SPAG16: variants seen among roughly 807,000 people sequenced by gnomAD.
SPAG16 encodes sperm-associated antigen 16 protein.
A neutral mutation model predicts 80.4 loss-of-function variants in SPAG16; 86 were observed. The observed-to-expected ratio is 1.07, with a 90% CI of 0.90 to 1.28. The LOEUF is 1.28. Ranked by LOEUF, SPAG16 falls within the 50% of genes most tolerant of loss-of-function variation. The pLI is 0.00. For missense variants in SPAG16, 870 were observed against 765.3 expected (o/e 1.14, Z -1.61); for synonymous variants, 294 against 265.9 (o/e 1.11, Z -1.03).
intron 11 of SPAG16, among the ~76,000 whole-genome samples, chr2:213,907,182 C>G (rs1266688374): frequency 6.6e-6 from 1 of 151,968 alleles, no homozygotes; most frequent in Non-Finnish European, 1.5e-5. Flanking sequence ...ACGGCAATGA[C>G]AAAACCTACA....
At position 213,787,824 on chromosome 2, in the gene SPAG16, A is replaced by T. The variant is rs559080022; in HGVS notation, c.1071-74661A>T. Reference sequence around the variant, plus strand: ...ATATTATACTATGAAATAAAATTTTAAAATCACATACTCTTTTACATAGGA... The same window carrying T: ...ATATTATACTATGAAATAAAATTTTTAAATCACATACTCTTTTACATAGGA... On this transcript the variant is annotated intron_variant, in intron 10 of 15. Transcript: ENST00000331683. Among the ~76,000 whole-genome samples the T allele has an allele frequency of 1.4e-3, 206 of 152,184 alleles. 1 individual carries two copies. The highest frequency in any genetic ancestry group is 4.8e-3 in the African/African-American group (200 of 41,584).
At chr2:213,745,074 C>T (rs2067753226) in intron 10 of SPAG16, among the ~76,000 whole-genome samples, 1 of 152,088 alleles carries the variant, frequency 6.6e-6, no homozygotes, top group African/African-American at 2.4e-5. Flanking sequence ...TATGGTTTCA[C>T]GTTTTCAACT....
intron 9 of SPAG16, among the ~76,000 whole-genome samples, chr2:213,396,051 G>C (rs1339364947): frequency 2.0e-5 from 3 of 152,028 alleles, no homozygotes; most frequent in African/African-American, 7.2e-5. Context: ...TGGTGAGTTT[G>C]TTTATTCCTG....
At chr2:214,144,634 T>C (rs7597126) in intron 14 of SPAG16, among the ~76,000 whole-genome samples, 59,249 of 151,946 alleles carry the variant, frequency 0.39, 13,404 homozygotes, top group Non-Finnish European at 0.51. Flanking sequence ...TTTTCTAGTA[T>C]GCAGTATAAC....
chr2:213,776,422 A>T (rs1001204905), intron 10 of SPAG16, among the ~76,000 whole-genome samples: 1 of 152,344 alleles, frequency 6.6e-6, no homozygotes. Flanking sequence ...TCAGAAAAAC[A>T]TGAAGCTCTT....
intron 1 of SPAG16, among the ~76,000 whole-genome samples, chr2:213,289,812 A>G (rs959372859): frequency 6.6e-6 from 1 of 152,226 alleles, no homozygotes; most frequent in East Asian, 1.9e-4. Context: ...ATAATTAGCT[A>G]TATGTTTCAC....
At chr2:214,046,202 G>T (rs1278772574) in intron 13 of SPAG16, among the ~76,000 whole-genome samples, 1 of 152,092 alleles carries the variant, frequency 6.6e-6, no homozygotes, top group Admixed American at 6.6e-5. Flanking sequence ...GATCATAGTT[G>T]TAATAAAAAC....
intron 15 of SPAG16, among the ~76,000 whole-genome samples, chr2:214,328,813 G>A (rs1216481608): frequency 6.6e-6 from 1 of 152,076 alleles, no homozygotes. Flanking sequence ...TTCAATTCAT[G>A]TACATGTGAT....
At chr2:213,412,143 T>C (rs1267597569) in intron 9 of SPAG16, among the ~76,000 whole-genome samples, 2 of 152,140 alleles carry the variant, frequency 1.3e-5, no homozygotes, top group Non-Finnish European at 2.9e-5. Flanking sequence ...TGCTCCACCC[T>C]AACACATTCT....
intron 15 of SPAG16, among the ~76,000 whole-genome samples, chr2:214,348,155 G>A (rs1446310478): frequency 6.6e-6 from 1 of 152,124 alleles, no homozygotes; most frequent in African/African-American, 2.4e-5. Context: ...TGTTTCACAA[G>A]GTGTCACATG....
chr2:213,399,615 T>G (rs960500795), intron 9 of SPAG16, among the ~76,000 whole-genome samples: 61 of 152,092 alleles, frequency 4.0e-4, no homozygotes, highest in African/African-American at 1.4e-3. Context: ...AAAATTGATC[T>G]TTAATTTTCC....
chr2:213,801,237 G>A (rs75232729), intron 10 of SPAG16, among the ~76,000 whole-genome samples: 37,277 of 152,130 alleles, frequency 0.25, 5,246 homozygotes, highest in South Asian at 0.38. Flanking sequence ...GTGCGTGCGC[G>A]CGTGCCCACA....
At chr2:214,225,160 A>G (rs921805338) in intron 15 of SPAG16, among the ~76,000 whole-genome samples, 5 of 152,202 alleles carry the variant, frequency 3.3e-5, no homozygotes, top group African/African-American at 1.2e-4. Flanking sequence ...GCTGCAAGAC[A>G]ATAAGTCAAT....
intron 10 of SPAG16, among the ~76,000 whole-genome samples, chr2:213,728,876 C>CAAAAAAAAAAAAAAAAAAAAA (rs58070679): frequency 6.2e-4 from 36 of 58,462 alleles, no homozygotes; most frequent in Middle Eastern, 0.012. Context: ...GACTCCGTCT[C>CAAAAAAAAAAAAAAAAAAAAA]AAAAAAAAAA....
rs572858878 is a variant in SPAG16, at chr2:214,148,478, A to G, written c.1594-662A>G. ...ATTACCTTCTTCCTTGTTCCACTACATGTTACCAAAGCAAGCCCAACTATG... is the reference window on the plus strand; with the variant it reads ...ATTACCTTCTTCCTTGTTCCACTACGTGTTACCAAAGCAAGCCCAACTATG... On this transcript the variant is annotated intron_variant, in intron 14 of 15. Transcript: ENST00000331683. Among the ~76,000 whole-genome samples the G allele has an allele frequency of 9.2e-5, 14 of 152,168 alleles. No homozygotes were observed. In the South Asian group the frequency reaches 2.7e-3, roughly 29 times the overall value.
rs544947290 is a variant in SPAG16 at position 213,287,901 on chromosome 2, TA to T, written c.136+3290del. 2.2e-3 allele frequency among the ~76,000 whole-genome samples: 332 copies of T among 152,196 alleles called. 1 individual carries two copies. Among genetic ancestry groups the T allele is most frequent in the Non-Finnish European group, 3.0e-3 (207 of 67,992 alleles). Reference sequence around the variant, plus strand: ...ATCTTAACTTCTACCATGCTACCTTTAAAAAAAATTATTATTTTTTTAGAGA... The same window carrying T: ...ATCTTAACTTCTACCATGCTACCTTTAAAAAAATTATTATTTTTTTAGAGA... On this transcript the variant is annotated intron_variant, in intron 1 of 15. Transcript: ENST00000331683.
chr2:213,478,058 T>C (rs2125685819), intron 9 of SPAG16, among the ~76,000 whole-genome samples: 1 of 152,302 alleles, frequency 6.6e-6, no homozygotes, highest in East Asian at 1.9e-4. Context: ...TTTCCCCTTC[T>C]TGCACTCACT....
chr2:213,659,888 G>A (rs1473814509), intron 10 of SPAG16, among the ~76,000 whole-genome samples: 1 of 151,780 alleles, frequency 6.6e-6, no homozygotes, highest in Non-Finnish European at 1.5e-5. Context: ...ATATGTTTAT[G>A]TGCAGGTTTA....
At chr2:213,382,718 C>A (rs1267462512) in intron 9 of SPAG16, among the ~76,000 whole-genome samples, 1 of 152,158 alleles carries the variant, frequency 6.6e-6, no homozygotes, top group Non-Finnish European at 1.5e-5. Flanking sequence ...GTGTTTGTTT[C>A]TTCTCTGGCA....
Sources: gnomAD v4.1 joint callset for allele counts (sites outside exome capture counted in the v4.1 genomes callset) on GRCh38, gnomAD v4.1.1 for gene constraint, MANE v1.5 for transcripts, NCBI Gene and HGNC (gene_info 2026-07-23, HGNC 2026-07-21) for gene names.